Variants in SORCS3 observed in about 807,000 individuals in gnomAD.
SORCS3 encodes sortilin related VPS10 domain containing receptor 3.
A neutral mutation model predicts 146.3 loss-of-function variants in SORCS3; 57 were observed. The observed-to-expected ratio is 0.39, with a 90% confidence interval of 0.31 to 0.49. The LOEUF (loss-of-function observed/expected upper bound fraction) is 0.49. SORCS3 is among the 20% of genes least tolerant of loss of function. The pLI, the probability that SORCS3 is intolerant of heterozygous loss-of-function variation, is 0.92. For synonymous variants in SORCS3, 653 were observed against 618.5 expected (o/e 1.06, Z -0.83); for missense variants, 1,341 against 1,575.5 (o/e 0.85, Z 2.52).
At chr10:105,161,959 T>A (rs2056267417) in intron 11 of SORCS3, among the ~76,000 whole-genome samples, 2 of 152,016 alleles carry the variant, frequency 1.3e-5, no homozygotes, top group Admixed American at 6.6e-5. Flanking sequence ...ACTCTGAATG[T>A]TCACACCCTC....
At chr10:104,915,167 C>G (rs557346640) in intron 2 of SORCS3, among the ~76,000 whole-genome samples, 1 of 152,240 alleles carries the variant, frequency 6.6e-6, no homozygotes, top group African/African-American at 2.4e-5. Flanking sequence ...AAAGGAGGAG[C>G]AGGTAGCCAG....
intron 7 of SORCS3, among the ~76,000 whole-genome samples, chr10:105,114,842 A>G (rs557380850): frequency 1.3e-5 from 2 of 152,308 alleles, no homozygotes; most frequent in South Asian, 2.1e-4. Flanking sequence ...TGGAGCAATA[A>G]CATGTATCAG....
At position 104,737,377 on chromosome 10, in the gene SORCS3, T is replaced by C. The variant is rs932547570; in HGVS notation, c.627+95423T>C. On this transcript the variant is annotated intron_variant, in intron 1 of 26. Coordinates refer to ENST00000369701, the MANE Select transcript of SORCS3 (RefSeq NM_014978.3). The stretch of plus-strand genomic sequence containing the variant: ...ACACTGACTTCCACAATGGTTGAAC[T>C]AGTTTACAGTCCCACCAACAGTGTC... 3.9e-4 allele frequency among the ~76,000 whole-genome samples: 59 copies of C among 152,274 alleles called. 1 individual carries two copies. Among genetic ancestry groups the C allele is most frequent in the Admixed American group, 1.4e-3 (21 of 15,304 alleles).
chr10:104,935,141 G>T (rs1183226397), intron 3 of SORCS3, among the ~76,000 whole-genome samples: 1 of 152,194 alleles, frequency 6.6e-6, no homozygotes, highest in Non-Finnish European at 1.5e-5. Context: ...TTTGACCCTT[G>T]TGAGTTAGGT....
chr10:104,648,711 T>C (rs1291706181), intron 1 of SORCS3, among the ~76,000 whole-genome samples: 1 of 152,234 alleles, frequency 6.6e-6, no homozygotes, highest in Non-Finnish European at 1.5e-5. Context: ...AATATTTTGC[T>C]CATTTATTTT....
At chr10:105,252,150 A>G (rs1016136723) in intron 22 of SORCS3, among the ~76,000 whole-genome samples, 1 of 152,154 alleles carries the variant, frequency 6.6e-6, no homozygotes, top group African/African-American at 2.4e-5. Context: ...ATGTCTTTAG[A>G]ACAAACTCAC....
At chr10:105,130,309 G>A (rs139015248) in intron 7 of SORCS3, among the ~76,000 whole-genome samples, 26 of 152,212 alleles carry the variant, frequency 1.7e-4, no homozygotes, top group African/African-American at 6.3e-4. Context: ...AACTGATTGA[G>A]TCCAGACCCT....
chr10:104,655,621 C>G (rs2015618940), intron 1 of SORCS3, among the ~76,000 whole-genome samples: 1 of 151,880 alleles, frequency 6.6e-6, no homozygotes, highest in Non-Finnish European at 1.5e-5. Context: ...AATTGTAATC[C>G]CCATTGTTGG....
At chr10:105,050,904 A>G (rs954292263) in intron 5 of SORCS3, among the ~76,000 whole-genome samples, 1 of 152,028 alleles carries the variant, frequency 6.6e-6, no homozygotes, top group Non-Finnish European at 1.5e-5. Flanking sequence ...TCAACTTTAG[A>G]TATTTCATTT....
intron 1 of SORCS3, among the ~76,000 whole-genome samples, chr10:104,713,124 T>C (rs2016437690): frequency 6.5e-5 from 1 of 15,392 alleles, no homozygotes; most frequent in African/African-American, 9.7e-5. Context: ...CTCAAGTGTG[T>C]GTGCGTGTGT....
rs561797604 is a variant in SORCS3 at position 105,133,657 on chromosome 10, C to T, written c.1213-5740C>T. On this transcript the variant is annotated intron_variant, in intron 7 of 26. Coordinates refer to ENST00000369701, the MANE Select transcript of SORCS3 (RefSeq NM_014978.3). Reference sequence around the variant, plus strand: ...AAGATATTATTTTCAAAATATAGCACCAGACTAGATGCAGTGGCTCATATC... The same window carrying T: ...AAGATATTATTTTCAAAATATAGCATCAGACTAGATGCAGTGGCTCATATC... 3.9e-5 allele frequency among the ~76,000 whole-genome samples: 6 copies of T among 152,170 alleles called. No homozygotes were observed. In the South Asian group the frequency reaches 1.2e-3, roughly 32 times the overall value.
chr10:104,841,323 G>T (rs946750426), intron 1 of SORCS3, among the ~76,000 whole-genome samples: 1 of 152,150 alleles, frequency 6.6e-6, no homozygotes, highest in Non-Finnish European at 1.5e-5. Flanking sequence ...TCTACAAATA[G>T]CCATGCCACT....
Position 105,135,637 on chromosome 10 carries a change from A to G in SORCS3, c.1213-3760A>G, listed in dbSNP as rs369836036. ...TCTCTCTTCTTGCGTTTTACTATAA[A>G]TGGTCAAAAAAAGCCATGCAGCACT... On this transcript the variant is annotated intron_variant, in intron 7 of 26. Coordinates refer to ENST00000369701, the MANE Select transcript of SORCS3 (RefSeq NM_014978.3). Among the ~76,000 whole-genome samples, 7 of 152,108 alleles carry G rather than the reference A, an allele frequency of 4.6e-5. No homozygotes were observed. The East Asian group carries it at 7.7e-4, about 17-fold the overall frequency.
intron 1 of SORCS3, among the ~76,000 whole-genome samples, chr10:104,758,078 A>G (rs1273884040): frequency 6.6e-6 from 1 of 152,140 alleles, no homozygotes; most frequent in Non-Finnish European, 1.5e-5. Context: ...GAGCCTCCAC[A>G]CTGAGGAATG....
At chr10:105,119,584 C>G (rs2055917088) in intron 7 of SORCS3, among the ~76,000 whole-genome samples, 1 of 152,170 alleles carries the variant, frequency 6.6e-6, no homozygotes, top group Non-Finnish European at 1.5e-5. Context: ...CCCTGCAAAG[C>G]CACAGGGGCA....
intron 9 of SORCS3, among the ~76,000 whole-genome samples, chr10:105,149,705 T>C (rs1208153113): frequency 6.6e-6 from 1 of 152,132 alleles, no homozygotes; most frequent in Non-Finnish European, 1.5e-5. Flanking sequence ...GCAGATGACC[T>C]TGCAGTCAAG....
chr10:104,915,487 T>G (rs561525403), intron 2 of SORCS3, among the ~76,000 whole-genome samples: 56 of 124,806 alleles, frequency 4.5e-4, no homozygotes, highest in African/African-American at 1.7e-3. Flanking sequence ...TGGGAACTTG[T>G]GTGCTTCCAC....
chr10:104,874,412 A>G (rs560837514), intron 2 of SORCS3, among the ~76,000 whole-genome samples: 56 of 152,272 alleles, frequency 3.7e-4, no homozygotes, highest in Non-Finnish European at 6.0e-4. Flanking sequence ...TCTTACTGTT[A>G]TAATAAACAT....
intron 18 of SORCS3, among the ~76,000 whole-genome samples, chr10:105,216,521 T>C (rs1053510792): frequency 1.3e-5 from 2 of 152,124 alleles, no homozygotes; most frequent in Admixed American, 6.5e-5. Flanking sequence ...TATGGAATTA[T>C]GAGGAGACTG....
Sources: gnomAD v4.1 joint callset for allele counts (sites outside exome capture counted in the v4.1 genomes callset) on GRCh38, gnomAD v4.1.1 for gene constraint, MANE v1.5 for transcripts, NCBI Gene and HGNC (gene_info 2026-07-23, HGNC 2026-07-21) for gene names.